TMEM117: variants seen among roughly 807,000 people sequenced by gnomAD.
TMEM117 encodes transmembrane protein 117.
In TMEM117, 27 loss-of-function variants were observed where a neutral mutation model predicts 52.4. The ratio of observed to expected loss-of-function variants is 0.51; its 90% CI spans 0.38 to 0.71. The LOEUF is 0.71. Ranked by LOEUF, TMEM117 falls within the 30% of genes least tolerant of loss-of-function variation. The probability of loss-of-function intolerance (pLI) is 0.00; values close to 1 mark genes in which losing one functional copy is unlikely to be tolerated. For synonymous variants in TMEM117, 215 were observed against 206.3 expected (o/e 1.04, Z -0.36); for missense variants, 556 against 630.5 (o/e 0.88, Z 1.26).
intron 4 of TMEM117, among the ~76,000 whole-genome samples, chr12:44,174,977 A>G (rs1949098948): frequency 6.6e-6 from 1 of 152,244 alleles, no homozygotes. Flanking sequence ...AGAGATTCCT[A>G]GAAATACCAG....
chr12:44,362,881 C>T (rs1240331830), intron 6 of TMEM117, among the ~76,000 whole-genome samples: 1 of 149,440 alleles, frequency 6.7e-6, no homozygotes, highest in East Asian at 2.0e-4. Context: ...GAGATGGAGT[C>T]TCCCTCTGTT....
At chr12:44,293,053 C>CT (rs1415072099) in intron 5 of TMEM117, among the ~76,000 whole-genome samples, 6 of 151,364 alleles carry the variant, frequency 4.0e-5, no homozygotes, top group African/African-American at 1.4e-4. Flanking sequence ...GTATTGCTGT[C>CT]TCTTTTTTTT....
chr12:43,922,508 T>C (rs1028030635), intron 2 of TMEM117, among the ~76,000 whole-genome samples: 1 of 152,144 alleles, frequency 6.6e-6, no homozygotes, highest in Admixed American at 6.5e-5. Context: ...AGTGACACAT[T>C]TGGTAAATTT....
At chr12:44,391,806 C>A (rs1370122811), downstream of TMEM117, among the ~76,000 whole-genome samples, 55 of 152,154 alleles carry the variant, frequency 3.6e-4, no homozygotes, top group Admixed American at 3.6e-3. Context: ...TCTGAACTAA[C>A]CCTTATTTTA....
chr12:44,034,745 C>T (rs187321224), intron 3 of TMEM117, among the ~76,000 whole-genome samples: 184 of 152,250 alleles, frequency 1.2e-3, no homozygotes, highest in African/African-American at 4.2e-3. Context: ...TACCTTTTAA[C>T]ATTGTGACAG....
intron 3 of TMEM117, among the ~76,000 whole-genome samples, chr12:44,115,575 T>G (rs571434653): frequency 6.6e-6 from 1 of 152,216 alleles, no homozygotes; most frequent in African/African-American, 2.4e-5. Context: ...TAACTTGTTA[T>G]TTTTGCTGTT....
intron 5 of TMEM117, among the ~76,000 whole-genome samples, chr12:44,268,031 T>G (rs1157026869): frequency 6.6e-6 from 1 of 152,220 alleles, no homozygotes; most frequent in African/African-American, 2.4e-5. Flanking sequence ...TGGGATTCCT[T>G]GACCATATGG....
At chr12:43,892,051 A>C (rs1457836404) in intron 2 of TMEM117, among the ~76,000 whole-genome samples, 3 of 152,010 alleles carry the variant, frequency 2.0e-5, no homozygotes, top group African/African-American at 7.3e-5. Flanking sequence ...CTGTCAAAAT[A>C]CTCCTGGTAT....
At chr12:44,253,853 C>T (rs1950223813) in intron 5 of TMEM117, among the ~76,000 whole-genome samples, 1 of 151,458 alleles carries the variant, frequency 6.6e-6, no homozygotes, top group African/African-American at 2.4e-5. Context: ...CACACACACA[C>T]ACACACACAC....
intron 1 of TMEM117, among the ~76,000 whole-genome samples, chr12:43,839,807 A>G (rs1943089364): frequency 2.0e-5 from 3 of 152,264 alleles, no homozygotes; most frequent in Non-Finnish European, 4.4e-5. Context: ...GAATGAATGA[A>G]TGTTATTATG....
chr12:43,871,061 A>C (rs1943695760), intron 2 of TMEM117, among the ~76,000 whole-genome samples: 1 of 150,920 alleles, frequency 6.6e-6, no homozygotes, highest in African/African-American at 2.4e-5. Flanking sequence ...CTGGGATTAC[A>C]GGCATGAGCC....
At chr12:43,868,142 T>TC (rs1943639118) in intron 2 of TMEM117, among the ~76,000 whole-genome samples, 2 of 148,654 alleles carry the variant, frequency 1.3e-5, no homozygotes, top group Non-Finnish European at 3.0e-5. Context: ...GTCTCTCTCC[T>TC]TCTCTCTCTC....
intron 3 of TMEM117, among the ~76,000 whole-genome samples, chr12:44,107,686 T>C (rs1257488844): frequency 2.0e-5 from 3 of 152,156 alleles, no homozygotes; most frequent in African/African-American, 7.2e-5. Flanking sequence ...CAGCCTCCAA[T>C]TATGAATTTA....
intron 2 of TMEM117, among the ~76,000 whole-genome samples, chr12:43,846,815 A>G (rs969594355): frequency 6.6e-6 from 1 of 152,202 alleles, no homozygotes; most frequent in Non-Finnish European, 1.5e-5. Context: ...AACCATGGCA[A>G]TGTTTTAAGG....
At chr12:43,963,224 CTA>C (rs1053452171) in intron 3 of TMEM117, among the ~76,000 whole-genome samples, 10 of 150,926 alleles carry the variant, frequency 6.6e-5, no homozygotes, top group Non-Finnish European at 8.9e-5. Flanking sequence ...CTAGTATACA[CTA>C]TATATATATC....
At chr12:43,835,917 C>T, upstream of TMEM117, 1 of 151,934 alleles carries the variant, frequency 6.6e-6, no homozygotes, top group Non-Finnish European at 1.5e-5. Context: ...TCGCGGTCAC[C>T]TGCGCGGCGC....
intron 3 of TMEM117, among the ~76,000 whole-genome samples, chr12:43,996,386 G>C (rs1292926936): frequency 1.3e-5 from 2 of 152,142 alleles, no homozygotes; most frequent in Admixed American, 6.6e-5. Flanking sequence ...GCTCACACCT[G>C]TAATCCCAGC....
chr12:44,362,581 A>T (rs991179531), intron 6 of TMEM117, among the ~76,000 whole-genome samples: 3 of 143,658 alleles, frequency 2.1e-5, no homozygotes, highest in African/African-American at 8.3e-5. Context: ...AAAATAATTA[A>T]AAAAAAAAAG....
At chr12:44,075,658 G>A (rs761966780) in intron 3 of TMEM117, among the ~76,000 whole-genome samples, 2 of 152,140 alleles carry the variant, frequency 1.3e-5, no homozygotes, top group African/African-American at 2.4e-5. Context: ...TTTAATCTAA[G>A]CTAATTTATT....
Sources: allele counts gnomAD v4.1 joint callset (sites outside exome capture counted in the v4.1 genomes callset), GRCh38; gene constraint gnomAD v4.1.1; transcripts MANE v1.5; gene names NCBI Gene and HGNC (gene_info 2026-07-23, HGNC 2026-07-21).